Variants in CSMD1 observed in about 807,000 individuals in gnomAD.
CSMD1 encodes CUB and Sushi multiple domains 1, also known as CUB and sushi domain-containing protein 1.
Under a neutral mutation model 417.5 loss-of-function variants are expected in CSMD1, and 213 were observed. The observed-to-expected ratio is 0.51, with a 90% CI of 0.46 to 0.57. CSMD1 has a LOEUF of 0.57. CSMD1 is among the 20% of genes least tolerant of loss of function. CSMD1 has a pLI of 0.00. For missense variants in CSMD1, 6,923 were observed against 4,529.7 expected (o/e 1.53, Z -15.17); for synonymous variants, 2,862 against 1,736.8 (o/e 1.65, Z -16.11).
chr8:3,353,949 T>G (rs972880608), intron 21 of CSMD1, among the ~76,000 whole-genome samples: 1 of 152,140 alleles, frequency 6.6e-6, no homozygotes, highest in Admixed American at 6.6e-5. Flanking sequence ...CCTGTGAAAT[T>G]TCCTGTCTCA....
intron 2 of CSMD1, among the ~76,000 whole-genome samples, chr8:4,494,971 G>A (rs1801904399): frequency 6.6e-6 from 1 of 151,776 alleles, no homozygotes; most frequent in Non-Finnish European, 1.5e-5. Flanking sequence ...AAACAGTGGA[G>A]AAAATAAAGA....
chr8:4,181,005 A>G (rs185355727), intron 3 of CSMD1, among the ~76,000 whole-genome samples: 1 of 152,320 alleles, frequency 6.6e-6, no homozygotes, highest in East Asian at 1.9e-4. Flanking sequence ...CTATTATGGA[A>G]TAAAAGCAAA....
intron 2 of CSMD1, among the ~76,000 whole-genome samples, chr8:4,529,153 C>T (rs1421657303): frequency 6.6e-6 from 1 of 152,096 alleles, no homozygotes; most frequent in Non-Finnish European, 1.5e-5. Flanking sequence ...GTTCCAGGGA[C>T]CCTTTGGGGG....
At chr8:3,716,758 C>A (rs995090383) in intron 6 of CSMD1, among the ~76,000 whole-genome samples, 2 of 152,112 alleles carry the variant, frequency 1.3e-5, no homozygotes, top group Non-Finnish European at 2.9e-5. Flanking sequence ...CTGGTTCAAA[C>A]GCCTCTTGAC....
intron 6 of CSMD1, among the ~76,000 whole-genome samples, chr8:3,753,475 C>A (rs941686482): frequency 1.3e-5 from 2 of 152,144 alleles, no homozygotes; most frequent in Admixed American, 1.3e-4. Flanking sequence ...TTTTAAGATT[C>A]ATTGTGTGTA....
chr8:3,276,994 T>G lies in CSMD1; in HGVS notation c.4153+7150A>C, dbSNP rs550025847. On this transcript the variant is annotated intron_variant, in intron 26 of 69. Coordinates refer to ENST00000635120, the MANE Select transcript of CSMD1 (RefSeq NM_033225.6). ...TGTGTTTGGGGACTGGAAGTGACAA[T>G]GTGATTGTCTTCGCTAAAGAAACCT... Among the ~76,000 whole-genome samples, 17 of 152,160 alleles carry G rather than the reference T, an allele frequency of 1.1e-4. 1 individual carries two copies. The South Asian group carries it at 2.7e-3, about 24-fold the overall frequency.
chr8:4,452,594 T>A (rs556119335), intron 2 of CSMD1, among the ~76,000 whole-genome samples: 52 of 152,122 alleles, frequency 3.4e-4, no homozygotes, highest in Non-Finnish European at 5.7e-4. Flanking sequence ...AGAAAACCGG[T>A]AACGAAAAAG....
chr8:4,289,829 A>T (rs1797263711), intron 3 of CSMD1, among the ~76,000 whole-genome samples: 1 of 152,202 alleles, frequency 6.6e-6, no homozygotes. Flanking sequence ...AAACTAATCT[A>T]ATGTCTGGCT....
At chr8:3,446,885 T>C (rs1045470078) in intron 12 of CSMD1, among the ~76,000 whole-genome samples, 2 of 152,172 alleles carry the variant, frequency 1.3e-5, no homozygotes, top group Admixed American at 6.5e-5. Flanking sequence ...CTTTAAGAAC[T>C]TGTAAGAGAA....
At chr8:3,441,642 T>C (rs1476123672) in intron 12 of CSMD1, among the ~76,000 whole-genome samples, 1 of 152,052 alleles carries the variant, frequency 6.6e-6, no homozygotes, top group Non-Finnish European at 1.5e-5. Context: ...TAGCCATTGA[T>C]CATAGCACAA....
At chr8:4,363,477 C>A (rs1369795883) in intron 3 of CSMD1, among the ~76,000 whole-genome samples, 1 of 152,174 alleles carries the variant, frequency 6.6e-6, no homozygotes, top group East Asian at 1.9e-4. Context: ...CCACCACCCC[C>A]TCTCTGGAGG....
chr8:3,110,135 T>G, intron 43 of CSMD1, 23 bp downstream of exon 43: 1 of 1,572,294 alleles, frequency 6.4e-7, no homozygotes, highest in Non-Finnish European at 8.7e-7. Flanking sequence ...TTACAGATAT[T>G]TTGACTTGAG....
chr8:3,517,581 C>T (rs899812119), intron 10 of CSMD1, among the ~76,000 whole-genome samples: 3 of 152,154 alleles, frequency 2.0e-5, no homozygotes, highest in Non-Finnish European at 4.4e-5. Flanking sequence ...CTGTCCTCTG[C>T]AATACCAAAT....
chr8:4,527,162 G>C (rs776981009), intron 2 of CSMD1, among the ~76,000 whole-genome samples: 101 of 152,060 alleles, frequency 6.6e-4, no homozygotes, highest in Non-Finnish European at 1.1e-3. Flanking sequence ...AATGACATAA[G>C]TGCACATATA....
intron 50 of CSMD1, among the ~76,000 whole-genome samples, chr8:3,047,080 T>C (rs888389211): frequency 2.6e-5 from 4 of 151,712 alleles, no homozygotes; most frequent in African/African-American, 9.7e-5. Context: ...TGGTGGCGGG[T>C]GCCTGTAATC....
Position 3,871,981 on chromosome 8 carries a change from T to C in CSMD1, c.819-117939A>G, listed in dbSNP as rs557693792. On this transcript the variant is annotated intron_variant, in intron 5 of 69. Coordinates refer to ENST00000635120, the MANE Select transcript of CSMD1 (RefSeq NM_033225.6). ...ATTTTCTATTTGTGAGCTACAAACCTGCACTATTTCCTATGCAATGGTGTG... is the reference window on the plus strand; with the variant it reads ...ATTTTCTATTTGTGAGCTACAAACCCGCACTATTTCCTATGCAATGGTGTG... Among the ~76,000 whole-genome samples the C allele has an allele frequency of 1.8e-4, 27 of 152,318 alleles. No individual in the cohort carries two copies. In the South Asian group the frequency reaches 5.6e-3, roughly 32 times the overall value.
intron 3 of CSMD1, among the ~76,000 whole-genome samples, chr8:4,388,489 G>A (rs1047122752): frequency 1.3e-5 from 2 of 151,876 alleles, no homozygotes; most frequent in African/African-American, 4.8e-5. Context: ...ACTGATATGT[G>A]GGAGGTAAGT....
intron 12 of CSMD1, among the ~76,000 whole-genome samples, chr8:3,445,486 G>A (rs1056557367): frequency 6.6e-6 from 1 of 152,134 alleles, no homozygotes; most frequent in African/African-American, 2.4e-5. Context: ...TCGAGCAGAT[G>A]GAACCAAGCC....
chr8:3,406,298 G>C (rs113037624), intron 14 of CSMD1, 77 bp from the exon 15 acceptor site: 1 of 1,212,424 alleles, frequency 8.2e-7, no homozygotes, highest in Non-Finnish European at 1.1e-6. Flanking sequence ...GAAGAAAACA[G>C]AACAAGCTTA....
Sources: gnomAD v4.1 joint callset for allele counts (sites outside exome capture counted in the v4.1 genomes callset) on GRCh38, gnomAD v4.1.1 for gene constraint, MANE v1.5 for transcripts, NCBI Gene and HGNC (gene_info 2026-07-23, HGNC 2026-07-21) for gene names.